SNAP91: variants seen among roughly 807,000 people sequenced by gnomAD.
SNAP91 encodes the protein synaptosome associated protein 91.
In SNAP91, 27 loss-of-function variants were observed where a neutral mutation model predicts 100.3. The ratio of observed to expected loss-of-function variants is 0.27; its 90% confidence interval spans 0.20 to 0.37. The LOEUF (loss-of-function observed/expected upper bound fraction) is 0.37. SNAP91 is among the 10% of genes least tolerant of loss of function. The pLI is 1.00. For synonymous variants in SNAP91, 404 were observed against 398.6 expected (o/e 1.01, Z -0.16); for missense variants, 986 against 1,123.7 (o/e 0.88, Z 1.75).
intron 2 of SNAP91, among the ~76,000 whole-genome samples, chr6:83,691,596 T>A (rs959561025): frequency 6.6e-6 from 1 of 152,106 alleles, no homozygotes; most frequent in Non-Finnish European, 1.5e-5. Context: ...ATATTTAGTG[T>A]CTCCTTGTTG....
intron 2 of SNAP91, among the ~76,000 whole-genome samples, chr6:83,670,244 C>CTTTTTTTTTTTTTTTTTTTTTTTTTTT (rs34522653): frequency 7.1e-6 from 1 of 140,724 alleles, no homozygotes; most frequent in Non-Finnish European, 1.5e-5. Context: ...TGATATGGTC[C>CTTTTTTTTTTTTTTTTTTTTTTTTTTT]TTTTTTTTTT....
chr6:83,633,739 C>T (rs2097305977), intron 8 of SNAP91, among the ~76,000 whole-genome samples: 1 of 152,196 alleles, frequency 6.6e-6, no homozygotes, highest in African/African-American at 2.4e-5. Context: ...CCCCCAGCAA[C>T]AGCACTGAAT....
intron 23 of SNAP91, 62 bp from the exon 24 acceptor site, chr6:83,580,661 TAAAGTA>T: frequency 6.9e-7 from 1 of 1,457,704 alleles, no homozygotes; most frequent in Non-Finnish European, 9.3e-7. Flanking sequence ...TATGCGAAAT[TAAAGTA>T]AAACTCTCTT....
In SNAP91 at chr6:83,592,454, C is replaced by A. The variant is rs1466626574; in HGVS notation, c.1930+1G>T. ...AGTGTTGATGGAGGAGAAATACGCA[C>A]CCCCAAAAAGGTCTATGACACCTGA... On this transcript the variant is annotated splice_donor_variant, in intron 21 of 29. Transcript: ENST00000369694. LOFTEE classifies it high-confidence loss of function. 2.5e-6 allele frequency: 4 copies of A among 1,604,496 alleles called. No individual in the cohort carries two copies.
At chr6:83,601,074 T>C (rs759608220) in intron 16 of SNAP91, among the ~76,000 whole-genome samples, 197 bp downstream of exon 16, 53 of 152,196 alleles carry the variant, frequency 3.5e-4, no homozygotes, top group Non-Finnish European at 6.6e-4. Flanking sequence ...CATTGCAATC[T>C]CTGCTATAAA....
rs117955947 is a variant in SNAP91, at chr6:83,641,924, C to T, written c.659-722G>A. Among the ~76,000 whole-genome samples the T allele has an allele frequency of 5.3e-5, 8 of 152,260 alleles. No homozygotes were observed. In the East Asian group the frequency reaches 1.2e-3, roughly 22 times the overall value. Reference sequence around the variant, plus strand: ...TCATTAGGGAACTACAGCTCCATTACCCTTGCAATATGAGAGTATAATTTT... The same window carrying T: ...TCATTAGGGAACTACAGCTCCATTATCCTTGCAATATGAGAGTATAATTTT... On this transcript the variant is annotated intron_variant, in intron 7 of 29. Transcript: ENST00000369694.
chr6:83,581,301 T>C (rs1387677073), intron 23 of SNAP91, among the ~76,000 whole-genome samples: 1 of 152,140 alleles, frequency 6.6e-6, no homozygotes, highest in Non-Finnish European at 1.5e-5. Context: ...TTCTCACTCA[T>C]TAGAGCAATC....
intron 7 of SNAP91, among the ~76,000 whole-genome samples, chr6:83,643,188 G>T (rs1317591233): frequency 6.6e-6 from 1 of 152,082 alleles, no homozygotes; most frequent in East Asian, 1.9e-4. Context: ...AAGCTCTTTA[G>T]TTTAATTAGA....
At chr6:83,672,844 A>T (rs991601964) in intron 2 of SNAP91, among the ~76,000 whole-genome samples, 11 of 152,200 alleles carry the variant, frequency 7.2e-5, no homozygotes, top group African/African-American at 2.2e-4. Flanking sequence ...TTAGGAAAGT[A>T]TCCTCTATTC....
chr6:83,679,934 A>G (rs1326080245), intron 2 of SNAP91, among the ~76,000 whole-genome samples: 1 of 151,994 alleles, frequency 6.6e-6, no homozygotes, highest in African/African-American at 2.4e-5. Flanking sequence ...TTTTTTTCAA[A>G]AAGTTAACCT....
intron 2 of SNAP91, among the ~76,000 whole-genome samples, chr6:83,672,852 T>C (rs917456573): frequency 6.6e-6 from 1 of 152,170 alleles, no homozygotes; most frequent in African/African-American, 2.4e-5. Context: ...GTATCCTCTA[T>C]TCCATTTTAA....
chr6:83,677,388 G>T (rs2128884319), intron 2 of SNAP91, among the ~76,000 whole-genome samples: 1 of 152,264 alleles, frequency 6.6e-6, no homozygotes, highest in African/African-American at 2.4e-5. Context: ...AGTTAGAGTA[G>T]AGGAGATAAT....
At chr6:83,631,934 T>G (rs764694766) in intron 8 of SNAP91, among the ~76,000 whole-genome samples, 6 of 152,146 alleles carry the variant, frequency 3.9e-5, no homozygotes, top group Non-Finnish European at 4.4e-5. Flanking sequence ...TATATATTTT[T>G]TATAGGTCCT....
chr6:83,659,425 CT>C (rs397887198), intron 5 of SNAP91, among the ~76,000 whole-genome samples: 22,965 of 123,924 alleles, frequency 0.19, 1,792 homozygotes, highest in South Asian at 0.27. Flanking sequence ...ATGTTTTCTT[CT>C]TTTTTTTTTT....
chr6:83,592,665 C>A, intron 20 of SNAP91, 127 bp from the exon 21 acceptor site: 2 of 780,036 alleles, frequency 2.6e-6, no homozygotes, highest in South Asian at 3.4e-5. Flanking sequence ...ACAATCTTAA[C>A]AGTTAAGGAA....
chr6:83,587,773 T>G (rs2092993406), intron 22 of SNAP91, among the ~76,000 whole-genome samples: 1 of 152,192 alleles, frequency 6.6e-6, no homozygotes, highest in African/African-American at 2.4e-5. Flanking sequence ...ATTTTTTATT[T>G]TTTTGTTTTT....
Position 83,661,402 on chromosome 6 carries a change from T to C in SNAP91, c.452+100A>G. 9 of 656,118 alleles carry C rather than the reference T, an allele frequency of 1.4e-5. No individual in the cohort carries two copies. The South Asian group carries it at 2.1e-4, about 15-fold the overall frequency. 40.6% of individuals were successfully genotyped at this position (656,118 alleles called of 1,614,324 possible). A position where few individuals can be genotyped will look rare whatever the true frequency, so the allele number is the denominator to read the frequency against. On this transcript the variant is annotated intron_variant, in intron 5 of 29. Coordinates refer to ENST00000369694, the MANE Select transcript of SNAP91 (RefSeq NM_001242792.2). ...TTTTTAGGTTATTGTAAACTGGGCC[T>C]TCAAGAAAATTAGCTGGCATTTAAG...
At chr6:83,609,479 C>T (rs936803112) in intron 12 of SNAP91, among the ~76,000 whole-genome samples, 2 of 152,192 alleles carry the variant, frequency 1.3e-5, no homozygotes, top group Non-Finnish European at 2.9e-5. Flanking sequence ...AGCCAGCCAA[C>T]CCATCACTGG....
chr6:83,685,118 C>T (rs966781374), intron 2 of SNAP91, among the ~76,000 whole-genome samples: 8 of 152,188 alleles, frequency 5.3e-5, no homozygotes, highest in African/African-American at 1.9e-4. Context: ...TTGGATACCA[C>T]AGTCCCAGTA....
Sources: gnomAD v4.1 joint callset for allele counts (sites outside exome capture counted in the v4.1 genomes callset) on GRCh38, gnomAD v4.1.1 for gene constraint, MANE v1.5 for transcripts, NCBI Gene and HGNC (gene_info 2026-07-23, HGNC 2026-07-21) for gene names.